Variants in SEMA3E observed in about 807,000 individuals in gnomAD.
SEMA3E encodes semaphorin 3E, also known as semaphorin-3E.
A neutral mutation model predicts 93.6 loss-of-function variants in SEMA3E; 49 were observed. That is an observed-to-expected ratio of 0.52 (90% confidence interval 0.42 to 0.66). The LOEUF is 0.66. Among genes scored for constraint, SEMA3E ranks in the 30% least tolerant of loss-of-function variants. The pLI, the probability that SEMA3E is intolerant of heterozygous loss-of-function variation, is 0.00. For synonymous variants in SEMA3E, 363 were observed against 330.7 expected, an observed-to-expected ratio of 1.10 and a Z score of -1.06; for missense variants, 906 against 964.8, an observed-to-expected ratio of 0.94 and a Z score of 0.81.
In SEMA3E at chr7:83,648,792, T is replaced by A. The variant is rs1017758581; in HGVS notation, c.-250A>T. On this transcript the variant is annotated 5_prime_UTR_variant, in exon 1 of 17. It removes an upstream start codon present in the reference 5' UTR. Coordinates refer to ENST00000643230, the MANE Select transcript of SEMA3E (RefSeq NM_012431.3). ...TCCAAAGAGTGAGTCTTCAGAGCCA[T>A]GTCCTGTCTAGAGCGCTCTTCAGCA... 5 of 551,504 alleles carry A rather than the reference T, an allele frequency of 9.1e-6. No homozygotes were observed. The highest frequency in any genetic ancestry group is 1.6e-5 in the Non-Finnish European group (5 of 305,590). 34.2% of individuals were successfully genotyped at this position (551,504 alleles called of 1,614,324 possible).
At chr7:83,629,462 G>C (rs1033910963) in intron 1 of SEMA3E, among the ~76,000 whole-genome samples, 6 of 152,164 alleles carry the variant, frequency 3.9e-5, no homozygotes, top group African/African-American at 1.4e-4. Context: ...GCCTGGGGCT[G>C]CTGCCTTTCT....
intron 1 of SEMA3E, among the ~76,000 whole-genome samples, chr7:83,535,710 A>T (rs1169380566): frequency 6.6e-6 from 1 of 152,152 alleles, no homozygotes; most frequent in African/African-American, 2.4e-5. Flanking sequence ...TTACTTTAAT[A>T]TTTTATTTTC....
chr7:83,450,612 G>A (rs140826150), intron 4 of SEMA3E, among the ~76,000 whole-genome samples: 10 of 151,680 alleles, frequency 6.6e-5, no homozygotes, highest in African/African-American at 2.4e-4. Flanking sequence ...TTATTGAAGG[G>A]GGACAACAGA....
At chr7:83,566,977 A>C (rs932948038) in intron 1 of SEMA3E, among the ~76,000 whole-genome samples, 14 of 152,238 alleles carry the variant, frequency 9.2e-5, no homozygotes, top group African/African-American at 3.4e-4. Flanking sequence ...TAAAATATAT[A>C]AATTGTATGA....
At chr7:83,631,170 C>G (rs1793778066) in intron 1 of SEMA3E, among the ~76,000 whole-genome samples, 1 of 151,922 alleles carries the variant, frequency 6.6e-6, no homozygotes, top group African/African-American at 2.4e-5. Flanking sequence ...TTTATTTTAG[C>G]CATGAAGAAA....
At chr7:83,612,776 G>A (rs1024877055) in intron 1 of SEMA3E, 1 of 152,088 alleles carries the variant, frequency 6.6e-6, no homozygotes, top group African/African-American at 2.4e-5. Flanking sequence ...AAGCCCTTTG[G>A]AAACTTTGCT....
chr7:83,522,211 T>C (rs1791064167), intron 1 of SEMA3E, among the ~76,000 whole-genome samples: 2 of 152,152 alleles, frequency 1.3e-5, no homozygotes, highest in South Asian at 2.1e-4. Flanking sequence ...AATTACTTTT[T>C]GCTTTCCTTT....
At chr7:83,408,223 A>T (rs2115653728) in intron 6 of SEMA3E, 145 bp downstream of exon 6, 4 of 877,466 alleles carry the variant, frequency 4.6e-6, no homozygotes, top group Admixed American at 2.4e-5. Flanking sequence ...ACAATATTTT[A>T]ATTCAAGAAT....
intron 1 of SEMA3E, among the ~76,000 whole-genome samples, chr7:83,511,778 C>G (rs1790826021): frequency 1.3e-5 from 2 of 152,090 alleles, no homozygotes; most frequent in East Asian, 3.9e-4. Flanking sequence ...GCCTGTAATC[C>G]CAGCTACTTG....
intron 1 of SEMA3E, among the ~76,000 whole-genome samples, chr7:83,502,187 C>T (rs1025692697): frequency 6.6e-6 from 1 of 152,166 alleles, no homozygotes; most frequent in Non-Finnish European, 1.5e-5. Flanking sequence ...CCTCTACCAC[C>T]TCTCATCTGG....
In SEMA3E at chr7:83,396,639, T is replaced by A. The variant is rs1788128084; in HGVS notation, c.1457A>T (p.Lys486Met). 1 of 1,590,946 alleles carries A rather than the reference T, an allele frequency of 6.3e-7. No homozygotes were observed. Among genetic ancestry groups the A allele is most frequent in the Non-Finnish European group, 8.6e-7 (1 of 1,160,456 alleles). Residue 486 changes from lysine (K) to methionine (M), a missense_variant and splice_region_variant, in exon 12 of 17, where the codon AAG becomes ATG. Coordinates refer to ENST00000643230, the MANE Select transcript of SEMA3E (RefSeq NM_012431.3). The stretch of plus-strand genomic sequence containing the variant: ...GTCTGTATTTTTTGCTTTAAATACC[T>A]TGAATATCTGAAGTTCTTCTAGAAT... ...EVILEELQIF[K>M]DPVPIISMEI... is the part of the protein sequence containing the mutation.
At chr7:83,486,796 G>A (rs890152435) in intron 2 of SEMA3E, among the ~76,000 whole-genome samples, 11 of 152,098 alleles carry the variant, frequency 7.2e-5, no homozygotes, top group African/African-American at 2.7e-4. Context: ...ACTGGCACCT[G>A]AGAGGAGTCT....
chr7:83,407,011 T>A (rs558899440), intron 7 of SEMA3E, 86 bp downstream of exon 7: 4 of 1,514,212 alleles, frequency 2.6e-6, no homozygotes, highest in Admixed American at 1.7e-5. Flanking sequence ...TAGAAAATAT[T>A]TAAAAGTAGA....
chr7:83,641,153 A>G (rs980817161), intron 1 of SEMA3E, among the ~76,000 whole-genome samples: 2 of 152,210 alleles, frequency 1.3e-5, no homozygotes, highest in Non-Finnish European at 2.9e-5. Context: ...TAAAGGGGCT[A>G]TAAATAGTTG....
intron 1 of SEMA3E, among the ~76,000 whole-genome samples, chr7:83,630,315 T>C (rs975851345): frequency 2.0e-5 from 3 of 152,242 alleles, no homozygotes; most frequent in Non-Finnish European, 4.4e-5. Context: ...TAAAGGAATG[T>C]ATCTTTTATT....
intron 12 of SEMA3E, among the ~76,000 whole-genome samples, chr7:83,394,580 G>GC (rs1788083787): frequency 1.2e-5 from 1 of 85,864 alleles, no homozygotes; most frequent in South Asian, 7.1e-4. Context: ...CCAGCTTACT[G>GC]TTTGGAATAT....
chr7:83,521,727 GTGTC>G (rs1387665193), intron 1 of SEMA3E, among the ~76,000 whole-genome samples: 1 of 152,070 alleles, frequency 6.6e-6, no homozygotes, highest in African/African-American at 2.4e-5. Context: ...AACAGAGAAA[GTGTC>G]TGGTGTTGTC....
At chr7:83,544,448 A>G (rs1392006144) in intron 1 of SEMA3E, among the ~76,000 whole-genome samples, 2 of 152,092 alleles carry the variant, frequency 1.3e-5, no homozygotes, top group East Asian at 1.9e-4. Context: ...GAGAGATCCA[A>G]CTGGGGAGGC....
chr7:83,554,564 GT>G (rs922675725), intron 1 of SEMA3E, among the ~76,000 whole-genome samples: 9 of 152,090 alleles, frequency 5.9e-5, no homozygotes, highest in Non-Finnish European at 1.0e-4. Context: ...GTACAAAAGA[GT>G]ATGTCAACAG....
Sources: gnomAD v4.1 joint callset for allele counts (sites outside exome capture counted in the v4.1 genomes callset) on GRCh38, gnomAD v4.1.1 for gene constraint, MANE v1.5 for transcripts, NCBI Gene and HGNC (gene_info 2026-07-23, HGNC 2026-07-21) for gene names.